The following SPG7 variants were observed in gnomAD, a reference collection of about 807,000 sequenced individuals.
SPG7 encodes the protein mitochondrial inner membrane m-AAA protease component paraplegin.
In SPG7, 103 loss-of-function variants were observed where a neutral mutation model predicts 81.9. The observed-to-expected ratio is 1.26, with a 90% CI of 1.07 to 1.48. SPG7 has a LOEUF of 1.48. Among genes scored for constraint, SPG7 ranks in the 40% most tolerant of loss-of-function variants. The pLI, the probability that SPG7 is intolerant of heterozygous loss-of-function variation, is 0.00. For synonymous variants in SPG7, 534 were observed against 444.2 expected, an observed-to-expected ratio of 1.20 and a Z score of -2.54; for missense variants, 1,241 against 1,087.3, an observed-to-expected ratio of 1.14 and a Z score of -1.99.
intron 14 of SPG7, 86 bp from the exon 15 acceptor site, chr16:89,553,708 C>T (rs2058659789): frequency 7.4e-7 from 1 of 1,358,648 alleles, no homozygotes; most frequent in Non-Finnish European, 1.0e-6. Flanking sequence ...GGTGCTGCCT[C>T]AGTGCTCTGA....
At chr16:89,545,653 G>T in intron 10 of SPG7, 1 of 265,784 alleles carries the variant, frequency 3.8e-6, no homozygotes, top group Non-Finnish European at 7.4e-6. Context: ...CTTCTCCAGG[G>T]GACACGGCTT....
rs537421502 is a variant in SPG7, at chr16:89,531,970, G to A, written c.1054G>A (p.Gly352Ser). 43 of 1,613,800 alleles carry A rather than the reference G, an allele frequency of 2.7e-5. No individual in the cohort carries two copies. The highest frequency in any genetic ancestry group is 3.5e-5 in the Non-Finnish European group (41 of 1,179,850). Residue 352 changes from glycine to serine, a missense_variant, in exon 8 of 17, where the codon GGC (glycine) becomes AGC (serine). Gly to Ser is a moderately conservative substitution (Grantham distance 56). Transcript: ENST00000645818. ...GGGCGCACTGCTGCTCGGCCCCCCC[G>A]GCTGTGGGAAGACGCTGCTGGCCAA... ...PKGALLLGPP[G>S]CGKTLLAKAV... is the part of the protein sequence containing the mutation.
intron 3 of SPG7, among the ~76,000 whole-genome samples, chr16:89,515,359 C>A (rs2058082341): frequency 6.6e-6 from 1 of 151,642 alleles, no homozygotes; most frequent in South Asian, 2.1e-4. Flanking sequence ...ACCCCTGCCT[C>A]CTGAGTTCAA....
At chr16:89,547,016 T>C (rs959037779) in intron 11 of SPG7, 4 of 461,082 alleles carry the variant, frequency 8.7e-6, no homozygotes, top group East Asian at 4.3e-5. Flanking sequence ...CCAGAGATAG[T>C]GGAGTTATGT....
chr16:89,526,544 A>G (rs907587081), intron 5 of SPG7, 76 bp downstream of exon 5: 4 of 1,558,420 alleles, frequency 2.6e-6, no homozygotes, highest in Middle Eastern at 3.4e-4. Context: ...ATTGCAATCA[A>G]AAATCTCAAA....
rs1394409846 is a variant in SPG7, at chr16:89,512,863, G to C, written c.287-85G>C. ...TTCAGATGGTTTTTGTTTTGCTTTG[G>C]TTATTTAGGAGTACACTGTTGTCCT... On this transcript the variant is annotated intron_variant, in intron 2 of 16. Transcript: ENST00000645818. 4.0e-6 allele frequency: 6 copies of C among 1,485,752 alleles called. No homozygotes were observed. In the East Asian group the frequency reaches 1.2e-4, roughly 29 times the overall value. The allele number at this position is 1,485,752 out of a possible 1,614,324, so 92.0% of individuals were successfully genotyped here.
intron 16 of SPG7, chr16:89,556,324 A>T (rs977871807): frequency 3.0e-5 from 11 of 370,374 alleles, no homozygotes; most frequent in Non-Finnish European, 5.3e-5. Context: ...CAACAACAAA[A>T]AATCTGGAAG....
intron 9 of SPG7, chr16:89,543,254 GTTC>G (rs1408691004): frequency 6.8e-6 from 1 of 146,342 alleles, no homozygotes; most frequent in Non-Finnish European, 1.5e-5. Flanking sequence ...GCTATATCCT[GTTC>G]TTACATTAGT....
chr16:89,540,905 C>A, intron 9 of SPG7: 3 of 985,338 alleles, frequency 3.0e-6, no homozygotes, highest in Non-Finnish European at 3.6e-6. Context: ...AGGTGCCATT[C>A]AGTGGCTGAG....
intron 9 of SPG7, 162 bp downstream of exon 9, chr16:89,532,798 T>G: frequency 1.1e-6 from 1 of 872,162 alleles, no homozygotes; most frequent in Non-Finnish European, 1.8e-6. Context: ...AAATGTAGCT[T>G]TCAGACCCGG....
intron 4 of SPG7, among the ~76,000 whole-genome samples, chr16:89,524,976 C>G (rs935914532): frequency 4.2e-5 from 5 of 119,048 alleles, no homozygotes; most frequent in African/African-American, 1.6e-4. Context: ...TTTTTGGAGA[C>G]AGAGTCTCCC....
intron 11 of SPG7, 109 bp downstream of exon 11, chr16:89,546,869 C>CT: frequency 1.3e-6 from 1 of 761,052 alleles, no homozygotes; most frequent in South Asian, 1.4e-5. Flanking sequence ...TGCTCCTTCT[C>CT]TGGGGGCCTC....
chr16:89,524,351 CT>C, intron 4 of SPG7, 104 bp downstream of exon 4: 1 of 1,332,848 alleles, frequency 7.5e-7, no homozygotes, highest in Non-Finnish European at 1.0e-6. Flanking sequence ...TGGGCGCTGG[CT>C]GTTGCCATCC....
At chr16:89,515,085 C>T (rs1274308066) in intron 3 of SPG7, among the ~76,000 whole-genome samples, 42 of 151,388 alleles carry the variant, frequency 2.8e-4, no homozygotes, top group Middle Eastern at 3.4e-3. Flanking sequence ...TACAGGTGCC[C>T]GCCACCATAC....
intron 15 of SPG7, 72 bp from the exon 16 acceptor site, chr16:89,554,414 T>C: frequency 9.4e-7 from 1 of 1,062,068 alleles, no homozygotes; most frequent in Non-Finnish European, 1.4e-6. Context: ...CAGTCTGCCA[T>C]TTCTTTTCTG....
chr16:89,515,129 G>A (rs186724255), intron 3 of SPG7, among the ~76,000 whole-genome samples: 12 of 151,014 alleles, frequency 7.9e-5, no homozygotes, highest in East Asian at 7.8e-4. Context: ...GTAGAGACTC[G>A]GTTTCACCGT....
chr16:89,530,247 C>T (rs1397395798), intron 6 of SPG7: 5 of 326,738 alleles, frequency 1.5e-5, no homozygotes, highest in African/African-American at 4.3e-5. Context: ...TGGGTTCAAG[C>T]GATTCTCCTG....
chr16:89,509,390 AC>A (rs2057981132), intron 1 of SPG7, among the ~76,000 whole-genome samples: 2 of 151,980 alleles, frequency 1.3e-5, no homozygotes, highest in African/African-American at 4.8e-5. Context: ...AGCTGGGATT[AC>A]GGGTGCGCGC....
chr16:89,546,931 G>T, intron 11 of SPG7, 171 bp downstream of exon 11: 1 of 640,558 alleles, frequency 1.6e-6, no homozygotes, highest in Non-Finnish European at 2.9e-6. Flanking sequence ...GCAGCAGGAG[G>T]TCCAGACGGC....
Sources: allele counts gnomAD v4.1 joint callset (sites outside exome capture counted in the v4.1 genomes callset), GRCh38; gene constraint gnomAD v4.1.1; transcripts MANE v1.5; gene names NCBI Gene and HGNC (gene_info 2026-07-23, HGNC 2026-07-21).